Variants in GRID2 observed in about 807,000 individuals in gnomAD.
GRID2 encodes glutamate receptor ionotropic, delta-2.
A neutral mutation model predicts 114.8 loss-of-function variants in GRID2; 33 were observed. That is an observed-to-expected ratio of 0.29 (90% CI 0.22 to 0.38). GRID2 has a LOEUF of 0.38. GRID2 is among the 10% of genes least tolerant of loss of function. The probability of loss-of-function intolerance (pLI) is 1.00; values close to 1 mark genes in which losing one functional copy is unlikely to be tolerated. For missense variants in GRID2, 1,184 were observed against 1,257.7 expected (o/e 0.94, Z 0.89); for synonymous variants, 505 against 449.9 (o/e 1.12, Z -1.55).
Position 93,431,549 on chromosome 4 carries a change from T to A in GRID2, c.1545+8581T>A, listed in dbSNP as rs187486500. The stretch of plus-strand genomic sequence containing the variant: ...GATTGGCCATTTGGGAGTTGTTGGT[T>A]ACCCAAGCCAGAACTCTTTTGGTAG... On this transcript the variant is annotated intron_variant, in intron 10 of 15. Coordinates refer to ENST00000282020, the MANE Select transcript of GRID2 (RefSeq NM_001510.4). 3.3e-5 allele frequency among the ~76,000 whole-genome samples: 5 copies of A among 152,304 alleles called. No homozygotes were observed. In the East Asian group the frequency reaches 9.7e-4, roughly 29 times the overall value.
chr4:93,611,193 A>C (rs1740857277), intron 13 of GRID2, among the ~76,000 whole-genome samples: 1 of 93,606 alleles, frequency 1.1e-5, no homozygotes, highest in Non-Finnish European at 2.2e-5. Flanking sequence ...TGTCTATTTG[A>C]TTCTTCTCTC....
At chr4:92,787,404 T>C (rs1333853033) in intron 2 of GRID2, among the ~76,000 whole-genome samples, 1 of 151,864 alleles carries the variant, frequency 6.6e-6, no homozygotes, top group African/African-American at 2.4e-5. Context: ...AGGAGGCTCG[T>C]GTAGGCTTCA....
intron 8 of GRID2, among the ~76,000 whole-genome samples, chr4:93,311,890 A>G (rs1324085993): frequency 6.6e-6 from 1 of 152,208 alleles, no homozygotes; most frequent in African/African-American, 2.4e-5. Context: ...GAGGCAAAAA[A>G]CAGAGAAGGT....
chr4:93,049,618 A>G (rs1423357870), intron 2 of GRID2, among the ~76,000 whole-genome samples: 1 of 151,938 alleles, frequency 6.6e-6, no homozygotes, highest in Non-Finnish European at 1.5e-5. Flanking sequence ...ATTTATTGCT[A>G]TTTTAAGAAA....
chr4:93,014,606 G>A (rs1463628328), intron 2 of GRID2, among the ~76,000 whole-genome samples: 1 of 152,098 alleles, frequency 6.6e-6, no homozygotes, highest in Admixed American at 6.6e-5. Context: ...AAGACATGCT[G>A]TGAGATTAGC....
At chr4:92,554,744 A>T (rs879577873) in intron 1 of GRID2, among the ~76,000 whole-genome samples, 52 of 152,196 alleles carry the variant, frequency 3.4e-4, no homozygotes, top group Non-Finnish European at 7.2e-4. Context: ...CAGATAAATG[A>T]TCTGTATAAA....
At chr4:93,553,465 T>A (rs1733986844) in intron 13 of GRID2, among the ~76,000 whole-genome samples, 1 of 152,220 alleles carries the variant, frequency 6.6e-6, no homozygotes, top group Non-Finnish European at 1.5e-5. Context: ...TTATAGTTCA[T>A]CTTGCTCAAT....
chr4:93,052,302 A>T (rs1277605124), intron 2 of GRID2, among the ~76,000 whole-genome samples: 1 of 151,944 alleles, frequency 6.6e-6, no homozygotes, highest in African/African-American at 2.4e-5. Context: ...AGCTGTTTGT[A>T]GCACACTTAC....
At chr4:92,754,366 A>G (rs1737606953) in intron 2 of GRID2, among the ~76,000 whole-genome samples, 1 of 152,168 alleles carries the variant, frequency 6.6e-6, no homozygotes, top group African/African-American at 2.4e-5. Flanking sequence ...AAGAAACAGC[A>G]TGATGGTAGT....
intron 14 of GRID2, among the ~76,000 whole-genome samples, chr4:93,721,394 A>G (rs1045233333): frequency 6.6e-6 from 1 of 152,206 alleles, no homozygotes; most frequent in Non-Finnish European, 1.5e-5. Flanking sequence ...CAGGCTAACT[A>G]TGTGTGCAGG....
At chr4:93,018,021 C>A (rs1283702992) in intron 2 of GRID2, among the ~76,000 whole-genome samples, 1 of 150,100 alleles carries the variant, frequency 6.7e-6, no homozygotes, top group Non-Finnish European at 1.5e-5. Flanking sequence ...AATTACGTAA[C>A]AGGAAGAAAA....
At chr4:93,743,702 G>A (rs937281623) in intron 14 of GRID2, among the ~76,000 whole-genome samples, 2 of 152,132 alleles carry the variant, frequency 1.3e-5, no homozygotes, top group Non-Finnish European at 2.9e-5. Context: ...CATCCCCAAG[G>A]AAGGGCATTA....
intron 1 of GRID2, among the ~76,000 whole-genome samples, chr4:92,582,303 A>G (rs1579624512): frequency 2.0e-5 from 3 of 152,130 alleles, no homozygotes; most frequent in East Asian, 3.9e-4. Context: ...AAGGCTAGAG[A>G]TTTGTTCTGA....
intron 1 of GRID2, among the ~76,000 whole-genome samples, chr4:92,468,578 C>A (rs188295202): frequency 6.6e-6 from 1 of 151,964 alleles, no homozygotes; most frequent in East Asian, 1.9e-4. Flanking sequence ...AGTTTTTGTT[C>A]TTGAGGAACT....
rs748321989 is a variant in GRID2 at position 93,085,272 on chromosome 4, T to A, written c.522T>A (p.Ser174Arg). The change falls in exon 3 of 16, where the codon AGT becomes AGA. Residue 174 changes from serine (S) to arginine (R), a missense_variant. Ser to Arg is a moderately radical substitution (Grantham distance 110, BLOSUM62 -1). Transcript: ENST00000282020. ...AWQKFIIFYD[S>R]EYDIRGIQEF... ...AGAAATTCATTATATTCTATGATAG[T>A]GAATACGGTAAGTGTTTATAATTTG... is the stretch of plus-strand genomic sequence containing the variant. 2 of 1,609,286 alleles carry A rather than the reference T, an allele frequency of 1.2e-6. No homozygotes were observed. Among genetic ancestry groups the A allele is most frequent in the East Asian group, 4.5e-5 (2 of 44,866 alleles).
At chr4:92,472,952 G>T (rs1218005002) in intron 1 of GRID2, among the ~76,000 whole-genome samples, 1 of 151,732 alleles carries the variant, frequency 6.6e-6, no homozygotes, top group Non-Finnish European at 1.5e-5. Flanking sequence ...TTTTATTTTA[G>T]CGTTGTGTCT....
intron 1 of GRID2, among the ~76,000 whole-genome samples, chr4:92,415,979 A>G (rs1015079414): frequency 1.3e-5 from 2 of 151,684 alleles, no homozygotes; most frequent in Admixed American, 6.6e-5. Flanking sequence ...AGGAATCTCC[A>G]TACAGTTTTC....
chr4:93,375,215 T>C (rs1298051841), intron 8 of GRID2, among the ~76,000 whole-genome samples: 6 of 101,730 alleles, frequency 5.9e-5, no homozygotes, highest in Admixed American at 9.0e-5. Context: ...TTTTTTTCCC[T>C]TTTTTTTTTT....
intron 4 of GRID2, among the ~76,000 whole-genome samples, chr4:93,141,986 G>A (rs1394380646): frequency 6.6e-6 from 1 of 152,158 alleles, no homozygotes; most frequent in Admixed American, 6.5e-5. Context: ...GCTGGCTTAT[G>A]CCTGTAATCC....
Sources: gnomAD v4.1 joint callset for allele counts (sites outside exome capture counted in the v4.1 genomes callset) on GRCh38, gnomAD v4.1.1 for gene constraint, MANE v1.5 for transcripts, NCBI Gene and HGNC (gene_info 2026-07-23, HGNC 2026-07-21) for gene names.